The following ZNF608 variants were observed in gnomAD, a reference collection of about 807,000 sequenced individuals.
ZNF608 encodes renal carcinoma antigen NY-REN-36.
In ZNF608, 12 loss-of-function variants were observed where a neutral mutation model predicts 109.0. That is an observed-to-expected ratio of 0.11 (90% confidence interval 0.07 to 0.18). The LOEUF is 0.18. ZNF608 is among the 10% of genes least tolerant of loss of function. The probability of loss-of-function intolerance (pLI) is 1.00; values close to 1 mark genes in which losing one functional copy is unlikely to be tolerated. For missense variants in ZNF608, 1,707 were observed against 1,879.3 expected (o/e 0.91, Z 1.70); for synonymous variants, 732 against 717.4 (o/e 1.02, Z -0.33).
At chr5:124,675,799 G>A (rs535301329) in intron 3 of ZNF608, among the ~76,000 whole-genome samples, 47 of 152,222 alleles carry the variant, frequency 3.1e-4, no homozygotes, top group Admixed American at 3.3e-4. Context: ...ATACAGTAGC[G>A]GACAAGACAG....
chr5:124,715,044 T>A (rs1287924271), intron 2 of ZNF608, among the ~76,000 whole-genome samples: 1 of 152,142 alleles, frequency 6.6e-6, no homozygotes, highest in East Asian at 1.9e-4. Flanking sequence ...CCATAAGAAT[T>A]AAGAATGCTT....
At chr5:124,683,161 G>A (rs1013332485) in intron 3 of ZNF608, among the ~76,000 whole-genome samples, 1 of 152,150 alleles carries the variant, frequency 6.6e-6, no homozygotes, top group Non-Finnish European at 1.5e-5. Flanking sequence ...CAAAAACCAT[G>A]TAAGGAAGCT....
At chr5:124,695,318 T>C (rs12515071) in intron 3 of ZNF608, among the ~76,000 whole-genome samples, 64,007 of 152,034 alleles carry the variant, frequency 0.42, 14,280 homozygotes, top group East Asian at 0.67. Context: ...AAATACAAAG[T>C]AAGCCTGGAT....
At chr5:124,710,912 G>A (rs541273598) in intron 2 of ZNF608, among the ~76,000 whole-genome samples, 6 of 152,046 alleles carry the variant, frequency 3.9e-5, no homozygotes, top group Non-Finnish European at 7.4e-5. Flanking sequence ...CTATTGTCAA[G>A]GACTCTTTAA....
intron 2 of ZNF608, among the ~76,000 whole-genome samples, chr5:124,724,872 T>C (rs1224342823): frequency 6.6e-6 from 1 of 152,118 alleles, no homozygotes; most frequent in Non-Finnish European, 1.5e-5. Flanking sequence ...TCCCACACAC[T>C]GAGATACGTT....
At chr5:124,671,802 A>T (rs560917627) in intron 3 of ZNF608, among the ~76,000 whole-genome samples, 1 of 151,920 alleles carries the variant, frequency 6.6e-6, no homozygotes, top group South Asian at 2.1e-4. Context: ...CACCTGGCTA[A>T]TTTTTTAAAT....
At chr5:124,681,582 A>T (rs921185220) in intron 3 of ZNF608, among the ~76,000 whole-genome samples, 2 of 152,190 alleles carry the variant, frequency 1.3e-5, no homozygotes, top group Admixed American at 6.5e-5. Context: ...TCTACAAAAA[A>T]TAGAAAGAAA....
In ZNF608 at chr5:124,649,146, G is replaced by A; in HGVS notation, c.1251-13C>T. The A allele has an allele frequency of 6.5e-7, 1 of 1,535,186 alleles. No individual in the cohort carries two copies. Among genetic ancestry groups the A allele is most frequent in the Middle Eastern group, 1.8e-4 (1 of 5,688 alleles). Reference sequence around the variant, plus strand: ...TGACTCACAAAACCTATGGAAGCAAGTAACAGATGTGAAAATGAGCATCCC... The same window carrying A: ...TGACTCACAAAACCTATGGAAGCAAATAACAGATGTGAAAATGAGCATCCC... On this transcript the variant is annotated splice_polypyrimidine_tract_variant and intron_variant, in intron 4 of 9. Transcript: ENST00000513986.
Position 124,723,415 on chromosome 5 carries a change from C to G in ZNF608, c.906+20669G>C, listed in dbSNP as rs541205403. Among the ~76,000 whole-genome samples, 8 of 152,268 alleles carry G rather than the reference C, an allele frequency of 5.3e-5. No individual in the cohort carries two copies. In the East Asian group the frequency reaches 1.5e-3, roughly 29 times the overall value. On this transcript the variant is annotated intron_variant, in intron 2 of 9. Coordinates refer to ENST00000513986, the MANE Select transcript of ZNF608 (RefSeq NM_020747.3). ...ATAAATAAAAATGTTTGGCTGGGCA[C>G]AGTGGCTCACCCCTGTAATCCCAGC...
rs553063893 is a variant in ZNF608, at chr5:124,680,333, G to A, written c.1162+20681C>T. On this transcript the variant is annotated intron_variant, in intron 3 of 9. Transcript: ENST00000513986. ...CTAAAAATTTTCTTATTTGTAAAAT[G>A]GGGATATTATGGCCACAAAAAAAAA... is the stretch of plus-strand genomic sequence containing the variant. Among the ~76,000 whole-genome samples, 4 of 145,746 alleles carry A rather than the reference G, an allele frequency of 2.7e-5. No homozygotes were observed. In the South Asian group the frequency reaches 6.5e-4, roughly 24 times the overall value.
chr5:124,733,705 C>T (rs1430385832), intron 2 of ZNF608, among the ~76,000 whole-genome samples: 1 of 152,054 alleles, frequency 6.6e-6, no homozygotes, highest in Non-Finnish European at 1.5e-5. Context: ...AATCTGAAGG[C>T]CCAACATTTT....
At chr5:124,642,632 A>C (rs1440129787) in intron 7 of ZNF608, among the ~76,000 whole-genome samples, 3 of 148,544 alleles carry the variant, frequency 2.0e-5, no homozygotes, top group African/African-American at 7.4e-5. Flanking sequence ...ATCTGCCTAG[A>C]TGGGGCTACT....
chr5:124,738,066 C>T lies in ZNF608; in HGVS notation c.906+6018G>A, dbSNP rs1302478981. Among the ~76,000 whole-genome samples, 3 of 152,146 alleles carry T rather than the reference C, an allele frequency of 2.0e-5. No individual in the cohort carries two copies. The East Asian group carries it at 5.8e-4, about 29-fold the overall frequency. ...CCATACTAACTAAATACTCCCAATC[C>T]AACATCTGTATATGCAGTTACAACA... On this transcript the variant is annotated intron_variant, in intron 2 of 9. Coordinates refer to ENST00000513986, the MANE Select transcript of ZNF608 (RefSeq NM_020747.3).
chr5:124,648,615 T>A lies in ZNF608; in HGVS notation c.1769A>T (p.Asp590Val). The A allele has an allele frequency of 6.2e-7, 1 of 1,614,250 alleles. No homozygotes were observed. The highest frequency in any genetic ancestry group is 8.5e-7 in the Non-Finnish European group (1 of 1,180,052). Residue 590 changes from aspartate (D) to valine (V), a missense_variant, in exon 5 of 10, where the codon GAC (aspartate) becomes GTC (valine). Physicochemically the swap from Asp to Val is radical, Grantham distance 152. Around this residue, in one of 7 missense-constraint regions of ZNF608, gnomAD observed 22 missense variants for 52.2 expected, o/e 0.42. Transcript: ENST00000513986. ...ACAGTCCGAGATCTTGTCCTCACTG[T>A]CAGGCTCGAACTCCAGCTTGTTTTC... ...DPENKLEFEP[D>V]SEDKISDCEE...
chr5:124,639,833 A>G (rs1272920643), intron 8 of ZNF608, among the ~76,000 whole-genome samples: 1 of 152,192 alleles, frequency 6.6e-6, no homozygotes, highest in African/African-American at 2.4e-5. Context: ...AACAAATGCA[A>G]ACCTAGGGAA....
intron 3 of ZNF608, among the ~76,000 whole-genome samples, chr5:124,689,923 TG>T (rs1384454425): frequency 2.8e-4 from 42 of 152,214 alleles, no homozygotes; most frequent in African/African-American, 9.9e-4. Flanking sequence ...AACCTACAAA[TG>T]GATGTTTATA....
In ZNF608 at chr5:124,647,699, G is replaced by A. The variant is rs772670448; in HGVS notation, c.2685C>T (p.Ser895=). ...KVYTFTDNAP[S]PSIGSASRLE... Reference sequence around the variant, plus strand: ...GCCTCGAGGCGCTCCCTATGGAAGGGCTGGGAGCGTTGTCTGTGAAAGTGT... The same window carrying A: ...GCCTCGAGGCGCTCCCTATGGAAGGACTGGGAGCGTTGTCTGTGAAAGTGT... The change falls in exon 5 of 10, where the codon AGC becomes AGT. Residue 895 remains serine, a synonymous_variant. Transcript: ENST00000513986. 9 of 1,614,220 alleles carry A rather than the reference G, an allele frequency of 5.6e-6. No individual in the cohort carries two copies. Among genetic ancestry groups the A allele is most frequent in the South Asian group, 4.4e-5 (4 of 91,082 alleles).
At position 124,662,662 on chromosome 5, in the gene ZNF608, A is replaced by G. The variant is rs557397908; in HGVS notation, c.1163-12965T>C. ...TCTGACCTGCAGGGCAGCCGACTTC[A>G]AGCCTTTTCCAGAAAGTAATGCACT... On this transcript the variant is annotated intron_variant, in intron 3 of 9. Coordinates refer to ENST00000513986, the MANE Select transcript of ZNF608 (RefSeq NM_020747.3). Among the ~76,000 whole-genome samples, 294 of 152,382 alleles carry G rather than the reference A, an allele frequency of 1.9e-3. 1 individual carries two copies. The highest frequency in any genetic ancestry group is 6.8e-3 in the African/African-American group (284 of 41,596).
intron 3 of ZNF608, among the ~76,000 whole-genome samples, chr5:124,662,957 C>A (rs1751332648): frequency 6.6e-6 from 1 of 152,114 alleles, no homozygotes; most frequent in Non-Finnish European, 1.5e-5. Context: ...CCACCTGGAA[C>A]AATAAATAAA....
Sources: allele counts gnomAD v4.1 joint callset (sites outside exome capture counted in the v4.1 genomes callset), GRCh38; gene constraint gnomAD v4.1.1; regional missense constraint gnomAD v4.1.1; transcripts MANE v1.5; gene names NCBI Gene and HGNC (gene_info 2026-07-23, HGNC 2026-07-21).